BPTF: variants seen among roughly 807,000 people sequenced by gnomAD.
The protein encoded by BPTF is nucleosome-remodeling factor subunit BPTF.
BPTF carries 18 observed loss-of-function variants against 292.5 expected under a neutral mutation model. That is an observed-to-expected ratio of 0.06 (90% CI 0.04 to 0.09). The LOEUF (loss-of-function observed/expected upper bound fraction) is 0.09. BPTF is among the 10% of genes least tolerant of loss of function. The pLI, the probability that BPTF is intolerant of heterozygous loss-of-function variation, is 1.00. For missense variants in BPTF, 2,726 were observed against 3,498.7 expected (o/e 0.78, Z 5.57); for synonymous variants, 1,225 against 1,251.9 (o/e 0.98, Z 0.45).
intron 9 of BPTF, among the ~76,000 whole-genome samples, chr17:67,906,842 A>G (rs2062237097): frequency 6.6e-6 from 1 of 152,222 alleles, no homozygotes; most frequent in African/African-American, 2.4e-5. Flanking sequence ...AAAAATGGAT[A>G]TACCTTGCTA....
intron 26 of BPTF, 103 bp downstream of exon 26, chr17:67,966,759 G>T: frequency 2.1e-6 from 2 of 960,550 alleles, no homozygotes; most frequent in Non-Finnish European, 1.5e-6. Flanking sequence ...GCTGGTGGGG[G>T]TATAAATTGG....
At chr17:67,916,784 A>C (rs2063030670) in intron 11 of BPTF, among the ~76,000 whole-genome samples, 1 of 151,324 alleles carries the variant, frequency 6.6e-6, no homozygotes. Context: ...AAAAAAAAAA[A>C]AGAAAGCATT....
rs568361054 is a variant in BPTF, at chr17:67,880,391, G to GT, written c.1864+5378dup. Among the ~76,000 whole-genome samples, 238 of 151,952 alleles carry GT rather than the reference G, an allele frequency of 1.6e-3. 2 individuals are homozygous for GT. The highest frequency in any genetic ancestry group is 5.5e-3 in the African/African-American group (228 of 41,434). ...CTTTGATGGTTTGTAGTTTAGTTTT[G>GT]TTTTTTTATGACGTCTACTATCAAG... is the stretch of plus-strand genomic sequence containing the variant. On this transcript the variant is annotated intron_variant, in intron 4 of 27. Transcript: ENST00000306378.
intron 23 of BPTF, chr17:67,951,146 A>G (rs1555678356): frequency 6.6e-6 from 1 of 152,030 alleles, no homozygotes; most frequent in South Asian, 2.1e-4. Flanking sequence ...TTACATAGTC[A>G]TTAATGATTA....
intron 18 of BPTF, among the ~76,000 whole-genome samples, chr17:67,937,976 TG>T (rs1195708696): frequency 6.6e-6 from 1 of 151,912 alleles, no homozygotes; most frequent in Non-Finnish European, 1.5e-5. Context: ...TAGCCGGGCA[TG>T]GTGGCGCAGC....
At chr17:67,958,739 T>G (rs985170467) in intron 23 of BPTF, among the ~76,000 whole-genome samples, 40 of 151,598 alleles carry the variant, frequency 2.6e-4, no homozygotes, top group African/African-American at 9.5e-4. Context: ...CCGAGGCGGG[T>G]GGATCACCTG....
chr17:67,864,478 A>C (rs953369381), intron 2 of BPTF, among the ~76,000 whole-genome samples: 1 of 150,296 alleles, frequency 6.7e-6, no homozygotes, highest in Non-Finnish European at 1.5e-5. Context: ...CAGTGAGCCA[A>C]GATTGCGCCA....
At position 67,854,665 on chromosome 17, in the gene BPTF, G is replaced by A. The variant is rs1335912964; in HGVS notation, c.1339G>A (p.Ala447Thr). Residue 447 changes from alanine to threonine, a missense_variant, in exon 2 of 28, where the codon GCT (alanine) becomes ACT (threonine). Physicochemically the swap from Ala to Thr is moderately conservative, Grantham distance 58. Around this residue, in one of 22 missense-constraint regions of BPTF, gnomAD observed 22 missense variants for 97.3 expected, o/e 0.23. Transcript: ENST00000306378. The surrounding 1 kb of genome is among the most constrained non-coding windows in gnomAD (Gnocchi z 5.6). ...HKVPGVTDCV[A>T]EIQKNKPYIR... ...GGTGCCTGGTGTGACTGACTGTGTT[G>A]CTGAAATCCAAAAAAATAAACCATA... The A allele has an allele frequency of 4.3e-6, 7 of 1,614,184 alleles. No homozygotes were observed. The highest frequency in any genetic ancestry group is 5.9e-6 in the Non-Finnish European group (7 of 1,180,036).
At position 67,944,442 on chromosome 17, in the gene BPTF, A is replaced by G; in HGVS notation, c.6700+70A>G. On this transcript the variant is annotated intron_variant, in intron 20 of 27. Coordinates refer to ENST00000306378, the MANE Select transcript of BPTF (RefSeq NM_182641.4). ...CGTGGCTGGGCTAACAGAGGCCAACAGGAGAACCAGTATTTACCTTTGGAA... is the reference window on the plus strand; with the variant it reads ...CGTGGCTGGGCTAACAGAGGCCAACGGGAGAACCAGTATTTACCTTTGGAA... 2.0e-6 allele frequency: 3 copies of G among 1,517,300 alleles called. No individual in the cohort carries two copies. The South Asian group carries it at 3.5e-5, about 18-fold the overall frequency. The allele number at this position is 1,517,300 out of a possible 1,614,324, so 94.0% of individuals were successfully genotyped here.
chr17:67,910,923 A>C lies in BPTF; in HGVS notation c.3039A>C (p.Glu1013Asp). The C allele has an allele frequency of 6.2e-7, 1 of 1,613,574 alleles. No individual in the cohort carries two copies. Among genetic ancestry groups the C allele is most frequent in the East Asian group, 2.2e-5 (1 of 44,870 alleles). ...CTGACAGTGATAAACCCTGCAAGGA[A>C]GAACCAATGGAAGTAGACGATGACA... ...LDSDSDKPCK[E>D]EPMEVDDDMK... The change falls in exon 11 of 28, where the codon GAA (glutamate) becomes GAC (aspartate). Residue 1013 changes from glutamate (E) to aspartate (D), a missense_variant. Physicochemically the swap from Glu to Asp is conservative, Grantham distance 45 (BLOSUM62 2). Coordinates refer to ENST00000306378, the MANE Select transcript of BPTF (RefSeq NM_182641.4).
intron 4 of BPTF, among the ~76,000 whole-genome samples, chr17:67,886,563 A>T (rs2060770449): frequency 1.3e-5 from 2 of 152,138 alleles, no homozygotes; most frequent in African/African-American, 4.8e-5. Context: ...GCAGGGAAGA[A>T]AGATCCTTTT....
chr17:67,840,481 TG>T (rs1239477424), intron 1 of BPTF, among the ~76,000 whole-genome samples: 1 of 151,950 alleles, frequency 6.6e-6, no homozygotes, highest in African/African-American at 2.4e-5. Flanking sequence ...TTGCTGCTGC[TG>T]CTGCTCCTCC....
chr17:67,829,124 G>T (rs1380179658), intron 1 of BPTF, among the ~76,000 whole-genome samples: 4 of 133,292 alleles, frequency 3.0e-5, no homozygotes, highest in African/African-American at 1.1e-4. Flanking sequence ...TGTTGTTGTT[G>T]TTTTTTCTAA....
intron 26 of BPTF, among the ~76,000 whole-genome samples, chr17:67,968,904 C>T (rs184276002): frequency 2.0e-5 from 3 of 151,224 alleles, no homozygotes; most frequent in Admixed American, 2.0e-4. Flanking sequence ...TTGCTTGAAC[C>T]TGGAAGGCAG....
intron 9 of BPTF, among the ~76,000 whole-genome samples, chr17:67,905,105 A>G (rs572607771): frequency 6.6e-6 from 1 of 152,280 alleles, no homozygotes; most frequent in Non-Finnish European, 1.5e-5. Context: ...ATCATTTTTC[A>G]AAATCTTAAA....
At chr17:67,893,809 T>A in intron 6 of BPTF, 84 bp downstream of exon 6, 1 of 1,304,926 alleles carries the variant, frequency 7.7e-7, no homozygotes, top group Middle Eastern at 2.0e-4. Flanking sequence ...TTTGAAAACG[T>A]CATTACCAAT....
At chr17:67,960,974 A>G (rs2067426496) in intron 24 of BPTF, among the ~76,000 whole-genome samples, 2 of 152,252 alleles carry the variant, frequency 1.3e-5, no homozygotes, top group Admixed American at 6.5e-5. Flanking sequence ...GAAATTATAC[A>G]TAATGTAAAC....
intron 20 of BPTF, 143 bp downstream of exon 20, chr17:67,944,515 A>C: frequency 6.8e-6 from 6 of 885,778 alleles, no homozygotes; most frequent in Middle Eastern, 3.5e-4. Context: ...AGTCAGCCTC[A>C]CAACGTCTCG....
intron 1 of BPTF, among the ~76,000 whole-genome samples, chr17:67,830,640 A>AGGGAGC (rs947250577): frequency 1.4e-4 from 21 of 151,822 alleles, no homozygotes; most frequent in Admixed American, 5.2e-4. Flanking sequence ...AGGGAGGGAG[A>AGGGAGC]GGGAGCGGGA....
Sources: allele counts gnomAD v4.1 joint callset (sites outside exome capture counted in the v4.1 genomes callset), GRCh38; gene constraint gnomAD v4.1.1; regional missense constraint gnomAD v4.1.1; non-coding constraint Gnocchi (gnomAD v3.1); transcripts MANE v1.5; gene names NCBI Gene and HGNC (gene_info 2026-07-23, HGNC 2026-07-21).